MGAT5: variants seen among roughly 807,000 people sequenced by gnomAD.
The protein encoded by MGAT5 is alpha-1,6-mannosylglycoprotein 6-beta-N-acetylglucosaminyltransferase A.
A neutral mutation model predicts 94.3 loss-of-function variants in MGAT5; 30 were observed. That is an observed-to-expected ratio of 0.32 (90% CI 0.24 to 0.43). The LOEUF (loss-of-function observed/expected upper bound fraction) is 0.43. Among genes scored for constraint, MGAT5 ranks in the 20% least tolerant of loss-of-function variants. The pLI, the probability that MGAT5 is intolerant of heterozygous loss-of-function variation, is 1.00. For missense variants in MGAT5, 691 were observed against 905.5 expected (o/e 0.76, Z 3.04); for synonymous variants, 310 against 322.9 (o/e 0.96, Z 0.43).
chr2:134,446,179 GGCAGGCTTCTGCTGCTGCAGCCTTAGCT>G (rs1420502307), intron 15 of MGAT5, among the ~76,000 whole-genome samples: 1 of 152,058 alleles, frequency 6.6e-6, no homozygotes, highest in Non-Finnish European at 1.5e-5. Context: ...CATCACCCCA[GGCAGGCTTCTGCTGCTGCAGCCTTAGCT>G]GAATCCTGCT....
chr2:134,246,949 C>T (rs1682305559), intron 1 of MGAT5, among the ~76,000 whole-genome samples: 1 of 152,052 alleles, frequency 6.6e-6, no homozygotes, highest in Non-Finnish European at 1.5e-5. Context: ...GATTGTTAGA[C>T]CAGGGAGATG....
intron 1 of MGAT5, among the ~76,000 whole-genome samples, chr2:134,130,216 C>CGCCCCACACG (rs1686072113): frequency 1.5e-5 from 2 of 131,676 alleles, no homozygotes; most frequent in Non-Finnish European, 3.3e-5. Flanking sequence ...CGCCCCACAC[C>CGCCCCACACG]GCCCCACACC....
chr2:134,135,880 A>C (rs1686389741), intron 1 of MGAT5, among the ~76,000 whole-genome samples: 1 of 151,972 alleles, frequency 6.6e-6, no homozygotes, highest in Non-Finnish European at 1.5e-5. Flanking sequence ...GCTCCCGTGT[A>C]GGTCTCTGCA....
chr2:134,259,174 A>G (rs1321456417), intron 1 of MGAT5, among the ~76,000 whole-genome samples: 1 of 152,178 alleles, frequency 6.6e-6, no homozygotes, highest in Non-Finnish European at 1.5e-5. Flanking sequence ...CAGTCCAGAG[A>G]GGAGTGTGTT....
chr2:134,186,509 A>G (rs776602225), intron 1 of MGAT5, among the ~76,000 whole-genome samples: 2 of 152,142 alleles, frequency 1.3e-5, no homozygotes, highest in Non-Finnish European at 2.9e-5. Flanking sequence ...CTTTTTGCAT[A>G]CATGTTGGGT....
intron 1 of MGAT5, among the ~76,000 whole-genome samples, chr2:134,139,015 G>A (rs1686544326): frequency 6.6e-6 from 1 of 152,210 alleles, no homozygotes; most frequent in Non-Finnish European, 1.5e-5. Context: ...AATTGGTAAG[G>A]CACAGATGGA....
rs59933611 is a variant in MGAT5 at position 134,334,496 on chromosome 2, C to CTTTTTTTTTTTTTTTTTTT, written c.574-1716_574-1698dup. On this transcript the variant is annotated intron_variant, in intron 4 of 15. Coordinates refer to ENST00000281923, the MANE Select transcript of MGAT5 (RefSeq NM_002410.5). ...CAAATCTCTACTTTCCTTGCTCATC[C>CTTTTTTTTTTTTTTTTTTT]TTTTTTTTTTTTTTTTTTTTTTTGC... Among the ~76,000 whole-genome samples the CTTTTTTTTTTTTTTTTTTT allele has an allele frequency of 5.9e-5, 2 of 34,108 alleles. 1 individual carries two copies. The highest frequency in any genetic ancestry group is 2.4e-4 in the African/African-American group (2 of 8,264). 22.4% of individuals were successfully genotyped at this position (34,108 alleles called of 152,430 possible).
intron 1 of MGAT5, among the ~76,000 whole-genome samples, chr2:134,265,075 G>A (rs561738380): frequency 1.3e-5 from 2 of 152,330 alleles, no homozygotes; most frequent in South Asian, 4.1e-4. Flanking sequence ...CCTGGTAACT[G>A]ACTGCACAAA....
chr2:134,387,680 T>C (rs1437562244), intron 10 of MGAT5, among the ~76,000 whole-genome samples: 2 of 151,914 alleles, frequency 1.3e-5, no homozygotes, highest in Non-Finnish European at 2.9e-5. Flanking sequence ...TGCTACCTCA[T>C]GTTGGAGGGA....
chr2:134,123,930 G>A (rs1481000515), intron 1 of MGAT5, among the ~76,000 whole-genome samples: 1 of 152,178 alleles, frequency 6.6e-6, no homozygotes. Context: ...GTAGCCAGAA[G>A]ATGGCTACAC....
chr2:134,273,133 G>C (rs199638476), intron 2 of MGAT5, among the ~76,000 whole-genome samples: 9 of 136,622 alleles, frequency 6.6e-5, no homozygotes, highest in East Asian at 2.1e-4. Context: ...CCAGAAGGTG[G>C]GGGGGGGTCC....
chr2:134,191,499 C>T (rs1679163069), intron 1 of MGAT5, among the ~76,000 whole-genome samples: 1 of 151,134 alleles, frequency 6.6e-6, no homozygotes, highest in Admixed American at 6.6e-5. Context: ...GGTGGGTTCG[C>T]GCCGTCTTTC....
chr2:134,260,696 CTTTTTCTTTTTTT>C (rs1189846446), intron 1 of MGAT5, among the ~76,000 whole-genome samples: 9 of 124,392 alleles, frequency 7.2e-5, no homozygotes, highest in Middle Eastern at 4.6e-3. Flanking sequence ...TTTCTTTTTT[CTTTTTCTTTTTTT>C]TTTTTTTTTG....
chr2:134,162,516 G>A (rs1167773242), intron 1 of MGAT5, among the ~76,000 whole-genome samples: 1 of 152,208 alleles, frequency 6.6e-6, no homozygotes, highest in Non-Finnish European at 1.5e-5. Context: ...CTCTCATTTA[G>A]TCCTTAGACG....
intron 1 of MGAT5, among the ~76,000 whole-genome samples, chr2:134,236,265 T>G (rs1458842792): frequency 6.6e-6 from 1 of 152,124 alleles, no homozygotes; most frequent in African/African-American, 2.4e-5. Flanking sequence ...CACCTTTTAT[T>G]CCTGGTGTTT....
At chr2:134,229,400 A>G (rs949653704) in intron 1 of MGAT5, among the ~76,000 whole-genome samples, 2 of 152,226 alleles carry the variant, frequency 1.3e-5, no homozygotes, top group East Asian at 1.9e-4. Context: ...CTGATTGCCT[A>G]CACACATGTG....
rs143418949 is a variant in MGAT5 at position 134,142,659 on chromosome 2, T to TTGCA, written c.-143+22369_-143+22372dup. On this transcript the variant is annotated intron_variant, in intron 1 of 16. Coordinates refer to the MGAT5 transcript ENST00000409645. ...CTGCGTTTTTATTGGTTTTGGCAAG[T>TTGCA]TGCAAATCCCATGGAATGAATCAGA... 5.1e-3 allele frequency among the ~76,000 whole-genome samples: 782 copies of TTGCA among 152,314 alleles called. 4 individuals carry two copies. The highest frequency in any genetic ancestry group is 0.018 in the African/African-American group (731 of 41,582).
chr2:134,317,543 G>T lies in MGAT5; in HGVS notation c.421G>T (p.Ala141Ser), dbSNP rs776695594. Residue 141 changes from alanine (A) to serine (S), a missense_variant, in exon 3 of 16, where the codon GCT becomes TCT. Around this residue, in one of 4 missense-constraint regions of MGAT5, gnomAD observed 307 missense variants for 335.4 expected, o/e 0.92. Transcript: ENST00000281923. The part of the protein sequence containing the change: ...KINVADIING[A>S]QEKCVLPPMD... ...ATTCTTCACAGATATCATTAACGGAGCTCAAGAAAAATGTGTATTGCCTCC... is the reference window on the plus strand; with the variant it reads ...ATTCTTCACAGATATCATTAACGGATCTCAAGAAAAATGTGTATTGCCTCC... 6.4e-7 allele frequency: 1 copy of T among 1,569,046 alleles called. No individual in the cohort carries two copies. The highest frequency in any genetic ancestry group is 1.2e-5 in the South Asian group (1 of 84,248).
chr2:134,439,447 G>A (rs565507751), intron 14 of MGAT5, among the ~76,000 whole-genome samples: 5 of 152,182 alleles, frequency 3.3e-5, no homozygotes, highest in South Asian at 2.1e-4. Context: ...CTGTAATCCC[G>A]GCACTTTGGG....
Sources: gnomAD v4.1 joint callset for allele counts (sites outside exome capture counted in the v4.1 genomes callset) on GRCh38, gnomAD v4.1.1 for gene constraint, gnomAD v4.1.1 regional missense constraint, MANE v1.5 for transcripts, NCBI Gene and HGNC (gene_info 2026-07-23, HGNC 2026-07-21) for gene names.